Variants in RIC1 observed in about 807,000 individuals in gnomAD.
The protein encoded by RIC1 is guanine nucleotide exchange factor subunit RIC1.
Under a neutral mutation model 169.0 loss-of-function variants are expected in RIC1, and 88 were observed. The observed-to-expected ratio is 0.52, with a 90% CI of 0.44 to 0.62. RIC1 has a LOEUF of 0.62. Among genes scored for constraint, RIC1 ranks in the 20% least tolerant of loss-of-function variants. The pLI, the probability that RIC1 is intolerant of heterozygous loss-of-function variation, is 0.00. For synonymous variants in RIC1, 790 were observed against 601.5 expected (o/e 1.31, Z -4.59); for missense variants, 1,877 against 1,725.5 (o/e 1.09, Z -1.56).
At chr9:5,702,798 T>C (rs902309512) in intron 3 of RIC1, among the ~76,000 whole-genome samples, 2 of 152,132 alleles carry the variant, frequency 1.3e-5, no homozygotes, top group Admixed American at 6.6e-5. Flanking sequence ...CTGCCCGACT[T>C]GGCCTCCCAA....
At chr9:5,681,987 C>CT (rs1452905940) in intron 2 of RIC1, among the ~76,000 whole-genome samples, 1 of 152,022 alleles carries the variant, frequency 6.6e-6, no homozygotes, top group East Asian at 1.9e-4. Context: ...CAACCCCTGC[C>CT]TTTTTTTGTT....
rs201165896 is a variant in RIC1 at position 5,770,116 on chromosome 9, G to C, written c.3454G>C (p.Ala1152Pro). The change falls in exon 23 of 26, where the codon GCT (alanine) becomes CCT (proline). Residue 1152 changes from alanine to proline, a missense_variant. By Grantham distance (27) the Ala-to-Pro change is conservative. Coordinates refer to ENST00000414202, the MANE Select transcript of RIC1 (RefSeq NM_020829.4). ...AGAGCAGCTGTTAAAGTCTCAATCA[G>C]CTGACCCATTTTTGAACCTTGAGAT... ...VGEQLLKSQS[A>P]DPFLNLEMDA... 1,101 of 1,613,138 alleles carry C rather than the reference G, an allele frequency of 6.8e-4. No individual in the cohort carries two copies. The highest frequency in any genetic ancestry group is 8.2e-4 in the Non-Finnish European group (969 of 1,179,636).
At chr9:5,629,849 T>C (rs533426800) in intron 1 of RIC1, among the ~76,000 whole-genome samples, 2 of 152,330 alleles carry the variant, frequency 1.3e-5, no homozygotes, top group Admixed American at 1.3e-4. Context: ...AACCCTCCCT[T>C]ACTTTAAAGG....
At chr9:5,765,184 T>C in intron 19 of RIC1, 1 of 448,238 alleles carries the variant, frequency 2.2e-6, no homozygotes, top group Non-Finnish European at 3.9e-6. Context: ...ACTTAAAGTA[T>C]ATGTATGCTA....
At chr9:5,726,208 A>C (rs1395549163) in intron 6 of RIC1, among the ~76,000 whole-genome samples, 1 of 152,098 alleles carries the variant, frequency 6.6e-6, no homozygotes, top group Non-Finnish European at 1.5e-5. Flanking sequence ...GTAGGTCTCT[A>C]AGGACTTGCT....
chr9:5,682,984 G>A lies in RIC1; in HGVS notation c.253-6975G>A, dbSNP rs573029534. Among the ~76,000 whole-genome samples, 119 of 152,228 alleles carry A rather than the reference G, an allele frequency of 7.8e-4. 1 individual carries two copies. Among genetic ancestry groups the A allele is most frequent in the African/African-American group, 2.6e-3 (108 of 41,534 alleles). ...CTACTGAGGCTTGCGCATTCGTCAC[G>A]TAGTTCTCGTGCCATGGGTTTCAGC... On this transcript the variant is annotated intron_variant, in intron 2 of 25. Coordinates refer to ENST00000414202, the MANE Select transcript of RIC1 (RefSeq NM_020829.4).
chr9:5,753,642 C>A lies in RIC1; in HGVS notation c.1598C>A (p.Thr533Asn), dbSNP rs558520107. Residue 533 changes from threonine to asparagine, a missense_variant, in exon 14 of 26, where the codon ACC (threonine) becomes AAC (asparagine). Physicochemically the swap from Thr to Asn is moderately conservative, Grantham distance 65. Transcript: ENST00000414202. ...TKKWKLFGNI[T>N]QEQNMIVTGG... is the part of the protein sequence containing the mutation. The stretch of plus-strand genomic sequence containing the variant: ...AAATGGAAACTTTTTGGAAACATTA[C>A]CCAGGTTAGTCTTTTTTGAGATTAA... 1.3e-6 allele frequency: 2 copies of A among 1,528,878 alleles called. No individual in the cohort carries two copies. The highest frequency in any genetic ancestry group is 1.8e-6 in the Non-Finnish European group (2 of 1,111,956). The allele number at this position is 1,528,878 out of a possible 1,614,324, so 94.7% of individuals were successfully genotyped here. A position where few individuals can be genotyped will look rare whatever the true frequency, so the allele number is the denominator to read the frequency against.
chr9:5,729,401 A>T lies in RIC1; in HGVS notation c.721-2987A>T, dbSNP rs562177718. On this transcript the variant is annotated intron_variant, in intron 6 of 25. Transcript: ENST00000414202. ...CTACATTTAATTTAGCCTTTCAAAG[A>T]CCCCTGAATTCCCAAGCCTTTCGTG... Among the ~76,000 whole-genome samples the T allele has an allele frequency of 9.9e-5, 15 of 152,134 alleles. 1 individual carries two copies. The South Asian group carries it at 1.7e-3, about 17-fold the overall frequency.
intron 6 of RIC1, among the ~76,000 whole-genome samples, chr9:5,729,023 G>A (rs536133406): frequency 6.6e-6 from 1 of 151,964 alleles, no homozygotes; most frequent in African/African-American, 2.4e-5. Flanking sequence ...CCTCCCTTCT[G>A]CTCCCCTCTC....
intron 1 of RIC1, among the ~76,000 whole-genome samples, chr9:5,635,079 T>C (rs996234817): frequency 2.6e-5 from 4 of 152,122 alleles, no homozygotes; most frequent in Admixed American, 2.6e-4. Flanking sequence ...CCTCGACCTC[T>C]TGGGCTCAAG....
At chr9:5,704,465 G>T (rs1425041647) in intron 3 of RIC1, among the ~76,000 whole-genome samples, 2 of 151,942 alleles carry the variant, frequency 1.3e-5, no homozygotes, top group African/African-American at 4.8e-5. Context: ...TCCTGTCTTG[G>T]CCCCCCAAAG....
intron 4 of RIC1, chr9:5,718,963 A>G (rs2130857334): frequency 6.6e-6 from 1 of 152,360 alleles, no homozygotes; most frequent in East Asian, 1.9e-4. Flanking sequence ...AAGAATTAAA[A>G]TACTAAAAGA....
chr9:5,645,374 C>T (rs904501047), intron 1 of RIC1, among the ~76,000 whole-genome samples: 10 of 152,168 alleles, frequency 6.6e-5, no homozygotes, highest in Non-Finnish European at 1.3e-4. Flanking sequence ...TCTTATTATT[C>T]AGTTGTAAGA....
intron 2 of RIC1, among the ~76,000 whole-genome samples, chr9:5,670,919 C>A (rs1820050994): frequency 6.6e-6 from 1 of 152,150 alleles, no homozygotes; most frequent in Admixed American, 6.5e-5. Context: ...AAATGGTCTT[C>A]ATGTCGAGTC....
chr9:5,647,220 C>G (rs913390740), intron 1 of RIC1, among the ~76,000 whole-genome samples: 2 of 152,088 alleles, frequency 1.3e-5, no homozygotes, highest in African/African-American at 4.8e-5. Flanking sequence ...CTGTAGTCTT[C>G]TAGTAAGTTT....
At chr9:5,649,833 A>G (rs996695937) in intron 1 of RIC1, among the ~76,000 whole-genome samples, 1 of 151,584 alleles carries the variant, frequency 6.6e-6, no homozygotes, top group Non-Finnish European at 1.5e-5. Flanking sequence ...ATTGGCTTTC[A>G]GAGAGGTAGA....
At chr9:5,732,530 TG>T (rs1172025635) in intron 7 of RIC1, 51 bp downstream of exon 7, 15 of 1,235,250 alleles carry the variant, frequency 1.2e-5, no homozygotes, top group East Asian at 5.2e-5. Context: ...CAAAAAATAC[TG>T]GTTTTTTTTT....
rs983914544 is a variant in RIC1, at chr9:5,681,518, T to C, written c.253-8441T>C. 9.2e-5 allele frequency among the ~76,000 whole-genome samples: 14 copies of C among 152,366 alleles called. 1 individual carries two copies. The highest frequency in any genetic ancestry group is 5.8e-4 in the East Asian group (3 of 5,192). ...CTATGGTCTGACAGACAGTTTGTTATAATTTCTGTTCTTTTACATTTGCTG... is the reference window on the plus strand; with the variant it reads ...CTATGGTCTGACAGACAGTTTGTTACAATTTCTGTTCTTTTACATTTGCTG... On this transcript the variant is annotated intron_variant, in intron 2 of 25. Transcript: ENST00000414202.
rs76601583 is a variant in RIC1 at position 5,768,353 on chromosome 9, C to T, written c.3138-617C>T. On this transcript the variant is annotated intron_variant, in intron 21 of 25. Transcript: ENST00000414202. ...TGAGTCTGGGCAACACAGCAAGATC[C>T]CATCCTTGCAAAAATAAAAATACAT... 3.0e-3 allele frequency among the ~76,000 whole-genome samples: 455 copies of T among 152,120 alleles called. 4 individuals are homozygous for T. Among genetic ancestry groups the T allele is most frequent in the African/African-American group, 1.0e-2 (414 of 41,518 alleles).
Sources: gnomAD v4.1 joint callset for allele counts (sites outside exome capture counted in the v4.1 genomes callset) on GRCh38, gnomAD v4.1.1 for gene constraint, MANE v1.5 for transcripts, NCBI Gene and HGNC (gene_info 2026-07-23, HGNC 2026-07-21) for gene names.